SH3PXD2A: variants seen among roughly 807,000 people sequenced by gnomAD.
SH3PXD2A encodes SH3 and PX domains 2A, also known as SH3 and PX domain-containing protein 2A.
A neutral mutation model predicts 115.2 loss-of-function variants in SH3PXD2A; 32 were observed. That is an observed-to-expected ratio of 0.28 (90% confidence interval 0.21 to 0.37). The LOEUF is 0.37. Among genes scored for constraint, SH3PXD2A ranks in the 10% least tolerant of loss-of-function variants. The pLI, the probability that SH3PXD2A is intolerant of heterozygous loss-of-function variation, is 1.00. For missense variants in SH3PXD2A, 1,328 were observed against 1,498.7 expected (o/e 0.89, Z 1.88); for synonymous variants, 610 against 629.1 (o/e 0.97, Z 0.45).
At chr10:103,823,168 G>A (rs556661001) in intron 1 of SH3PXD2A, among the ~76,000 whole-genome samples, 1 of 152,308 alleles carries the variant, frequency 6.6e-6, no homozygotes, top group African/African-American at 2.4e-5. Flanking sequence ...AAGTTGTCCT[G>A]GGAATCCTCA....
intron 5 of SH3PXD2A, chr10:103,693,704 GC>G (rs1223953907): frequency 1.3e-5 from 2 of 152,332 alleles, no homozygotes; most frequent in African/African-American, 4.8e-5. Context: ...CTCACTGCAC[GC>G]CCCGAGAATG....
chr10:103,601,596 T>C lies in SH3PXD2A; in HGVS notation c.*220A>G. On this transcript the variant is annotated 3_prime_UTR_variant, in exon 15 of 15. Transcript: ENST00000369774. ...CCCAGGCCTGGGACTCCCTGGTCCA[T>C]TCCCTTCCTCACTCAGTGTGGGCAC... is the stretch of plus-strand genomic sequence containing the variant. The C allele has an allele frequency of 2.0e-6, 1 of 490,150 alleles. No individual in the cohort carries two copies. Among genetic ancestry groups the C allele is most frequent in the Non-Finnish European group, 3.6e-6 (1 of 274,088 alleles). The allele number at this position is 490,150 out of a possible 1,614,324, so 30.4% of individuals were successfully genotyped here.
At chr10:103,662,461 G>A (rs375999504) in intron 7 of SH3PXD2A, among the ~76,000 whole-genome samples, 4 of 138,382 alleles carry the variant, frequency 2.9e-5, no homozygotes, top group East Asian at 2.1e-4. Context: ...CTGCAGTGGC[G>A]CAATCTCAGC....
intron 1 of SH3PXD2A, among the ~76,000 whole-genome samples, chr10:103,814,313 C>A (rs78729238): frequency 6.6e-6 from 1 of 152,162 alleles, no homozygotes; most frequent in Non-Finnish European, 1.5e-5. Context: ...CAGCCCTTCT[C>A]GGCTCCAGGA....
rs1261672833 is a variant in SH3PXD2A, at chr10:103,643,836, G to A, written c.605-16634C>T. Among the ~76,000 whole-genome samples, 4 of 152,316 alleles carry A rather than the reference G, an allele frequency of 2.6e-5. No individual in the cohort carries two copies. The East Asian group carries it at 7.7e-4, about 29-fold the overall frequency. On this transcript the variant is annotated intron_variant, in intron 8 of 14. Transcript: ENST00000369774. ...GTAAAGAATCTGCAGACCAGGCCAG[G>A]CGCGGTGGCTCACGCCTGTAATCCC...
intron 1 of SH3PXD2A, among the ~76,000 whole-genome samples, chr10:103,819,310 A>G (rs751594201): frequency 3.9e-5 from 6 of 152,182 alleles, no homozygotes; most frequent in Non-Finnish European, 7.4e-5. Flanking sequence ...AAGGCTTCCT[A>G]GCAGAGGTGA....
At chr10:103,608,707 A>C (rs977179350) in intron 13 of SH3PXD2A, 1 of 152,014 alleles carries the variant, frequency 6.6e-6, no homozygotes, top group Non-Finnish European at 1.5e-5. Flanking sequence ...GGCTCAAGCA[A>C]TCCTCCTGCC....
chr10:103,611,718 T>C lies in SH3PXD2A; in HGVS notation c.1259-88A>G. Reference sequence around the variant, plus strand: ...GCCTTCCCTAGGTGAAACTAACTCCTGATCCTTCAAGTTCATGCTTTAGCT... The same window carrying C: ...GCCTTCCCTAGGTGAAACTAACTCCCGATCCTTCAAGTTCATGCTTTAGCT... On this transcript the variant is annotated intron_variant, in intron 12 of 14. Transcript: ENST00000369774. The C allele has an allele frequency of 5.0e-6, 5 of 1,008,834 alleles. No individual in the cohort carries two copies. The South Asian group carries it at 5.1e-5, about 10-fold the overall frequency. 62.5% of individuals were successfully genotyped at this position (1,008,834 alleles called of 1,614,324 possible). A position where few individuals can be genotyped will look rare whatever the true frequency, so the allele number is the denominator to read the frequency against.
At chr10:103,774,286 C>T (rs1310866212) in intron 2 of SH3PXD2A, among the ~76,000 whole-genome samples, 2 of 152,194 alleles carry the variant, frequency 1.3e-5, no homozygotes, top group Non-Finnish European at 2.9e-5. Flanking sequence ...TGGATCATTT[C>T]TAATGATCTA....
chr10:103,660,018 A>T lies in SH3PXD2A; in HGVS notation c.604+965T>A, dbSNP rs145919484. Among the ~76,000 whole-genome samples, 125 of 152,236 alleles carry T rather than the reference A, an allele frequency of 8.2e-4. 1 individual carries two copies. The highest frequency in any genetic ancestry group is 4.7e-4 in the Non-Finnish European group (32 of 67,988). ...TGCTTTGCCTTTCCTTTCCGGGTTTAAACACTGGCAAGGCATAGAGTGGGA... is the reference window on the plus strand; with the variant it reads ...TGCTTTGCCTTTCCTTTCCGGGTTTTAACACTGGCAAGGCATAGAGTGGGA... On this transcript the variant is annotated intron_variant, in intron 8 of 14. Transcript: ENST00000369774.
At position 103,759,171 on chromosome 10, in the gene SH3PXD2A, C is replaced by T. The variant is rs142075463; in HGVS notation, c.229+7923G>A. Among the ~76,000 whole-genome samples, 596 of 152,238 alleles carry T rather than the reference C, an allele frequency of 3.9e-3. 1 individual carries two copies. Among genetic ancestry groups the T allele is most frequent in the Admixed American group, 5.8e-3 (89 of 15,286 alleles). On this transcript the variant is annotated intron_variant, in intron 3 of 14. Transcript: ENST00000369774. ...TCTGGGGGCTGGGAGAGGAAGGCCCCGGAGAACATGCTTGCAATTCACCCA... is the reference window on the plus strand; with the variant it reads ...TCTGGGGGCTGGGAGAGGAAGGCCCTGGAGAACATGCTTGCAATTCACCCA...
At chr10:103,728,421 G>A (rs559113410) in intron 4 of SH3PXD2A, among the ~76,000 whole-genome samples, 2 of 152,344 alleles carry the variant, frequency 1.3e-5, no homozygotes, top group African/African-American at 4.8e-5. Flanking sequence ...ACTGGAATGG[G>A]AGACAGGAGT....
At position 103,855,327 on chromosome 10, in the gene SH3PXD2A, C is replaced by T; in HGVS notation, c.-61G>A. 7.3e-7 allele frequency: 1 copy of T among 1,360,622 alleles called. No homozygotes were observed. Among genetic ancestry groups the T allele is most frequent in the Admixed American group, 2.4e-5 (1 of 41,088 alleles). The allele number at this position is 1,360,622 out of a possible 1,614,324, so 84.3% of individuals were successfully genotyped here. On this transcript the variant is annotated 5_prime_UTR_variant, in exon 1 of 15. Coordinates refer to ENST00000369774, the MANE Select transcript of SH3PXD2A (RefSeq NM_001394015.1). ...TCACCTTCTCATCCCGGCCGGGCTCCGGCTCCTTCTCCAGCTGCCGGGGTC... is the reference window on the plus strand; with the variant it reads ...TCACCTTCTCATCCCGGCCGGGCTCTGGCTCCTTCTCCAGCTGCCGGGGTC...
At chr10:103,624,371 CAG>C (rs1467529113) in intron 9 of SH3PXD2A, among the ~76,000 whole-genome samples, 1 of 152,214 alleles carries the variant, frequency 6.6e-6, no homozygotes, top group Non-Finnish European at 1.5e-5. Flanking sequence ...GGAGCAAAGG[CAG>C]AGACTTGGGT....
intron 8 of SH3PXD2A, among the ~76,000 whole-genome samples, chr10:103,658,579 G>A (rs2037244811): frequency 6.6e-6 from 1 of 152,168 alleles, no homozygotes; most frequent in South Asian, 2.1e-4. Context: ...TCATTTCTCT[G>A]GTTAGGCTGG....
chr10:103,603,200 G>A lies in SH3PXD2A; in HGVS notation c.2018C>T (p.Ala673Val). 6.2e-7 allele frequency: 1 copy of A among 1,614,154 alleles called. No homozygotes were observed. Among genetic ancestry groups the A allele is most frequent in the Non-Finnish European group, 8.5e-7 (1 of 1,180,034 alleles). The change falls in exon 15 of 15, where the codon GCA becomes GTA. Residue 673 changes from alanine to valine, a missense_variant. Ala to Val is a moderately conservative substitution (Grantham distance 64). Coordinates refer to ENST00000369774, the MANE Select transcript of SH3PXD2A (RefSeq NM_001394015.1). The part of the protein sequence containing the change: ...PKSSSLLKLK[A>V]EKNAQAEMGK... ...CATTTCTGCCTGGGCATTCTTCTCT[G>A]CCTTGAGCTTTAGGAGTGATGATGA...
chr10:103,819,955 G>T (rs191337740), intron 1 of SH3PXD2A, among the ~76,000 whole-genome samples: 1 of 152,158 alleles, frequency 6.6e-6, no homozygotes, highest in Non-Finnish European at 1.5e-5. Context: ...ATAGATCTCA[G>T]AGTGGGAGTG....
chr10:103,826,967 T>C (rs2039436261), intron 1 of SH3PXD2A, among the ~76,000 whole-genome samples: 1 of 152,142 alleles, frequency 6.6e-6, no homozygotes, highest in African/African-American at 2.4e-5. Flanking sequence ...ACTCGTAGAA[T>C]GAGCAAGAGG....
Position 103,627,109 on chromosome 10 carries a change from T to A in SH3PXD2A, c.698A>T (p.Asn233Ile), listed in dbSNP as rs770939335. The change falls in exon 9 of 15, where the codon AAC (asparagine) becomes ATC (isoleucine). Residue 233 changes from asparagine (N) to isoleucine (I), a missense_variant. Physicochemically the swap from Asn to Ile is moderately radical, Grantham distance 149. This residue lies in a region of SH3PXD2A where 509 missense variants were observed against 628.3 expected (regional missense o/e 0.81). Transcript: ENST00000369774. The surrounding 1 kb of genome is among the most constrained non-coding windows in gnomAD (Gnocchi z 4.4). ...CTCACCTTCTCCAGTCTTAGAGGTGTTGATGTCGGAGTCATCCCGAGTACC... is the reference window on the plus strand; with the variant it reads ...CTCACCTTCTCCAGTCTTAGAGGTGATGATGTCGGAGTCATCCCGAGTACC... ...QNGTRDDSDI[N>I]TSKTGEVSKR... is the part of the protein sequence containing the mutation. The A allele has an allele frequency of 3.1e-6, 5 of 1,609,306 alleles. No individual in the cohort carries two copies. The African/African-American group carries it at 4.0e-5, about 13-fold the overall frequency.
Sources: allele counts gnomAD v4.1 joint callset (sites outside exome capture counted in the v4.1 genomes callset), GRCh38; gene constraint gnomAD v4.1.1; regional missense constraint gnomAD v4.1.1; non-coding constraint Gnocchi (gnomAD v3.1); transcripts MANE v1.5; gene names NCBI Gene and HGNC (gene_info 2026-07-23, HGNC 2026-07-21).